Variants in PPM1E observed in about 807,000 individuals in gnomAD.
The protein encoded by PPM1E is protein phosphatase 1E.
Under a neutral mutation model 65.9 loss-of-function variants are expected in PPM1E, and 20 were observed. The ratio of observed to expected loss-of-function variants is 0.30; its 90% CI spans 0.21 to 0.44. The LOEUF (loss-of-function observed/expected upper bound fraction) is 0.44, where lower values mean the gene tolerates loss of function less well. Ranked by LOEUF, PPM1E falls within the 20% of genes least tolerant of loss-of-function variation. The probability of loss-of-function intolerance (pLI) is 1.00; values close to 1 mark genes in which losing one functional copy is unlikely to be tolerated. For missense variants in PPM1E, 713 were observed against 953.1 expected (o/e 0.75, Z 3.32); for synonymous variants, 352 against 374.9 (o/e 0.94, Z 0.70).
chr17:58,956,458 A>C (rs200316507), intron 2 of PPM1E, among the ~76,000 whole-genome samples: 22,759 of 143,224 alleles, frequency 0.16, 2,012 homozygotes, highest in Non-Finnish European at 0.2. Context: ...AAAACAAAAA[A>C]CAAAAAAAAA....
intron 2 of PPM1E, among the ~76,000 whole-genome samples, chr17:58,963,674 A>G (rs2030118261): frequency 6.6e-6 from 1 of 152,112 alleles, no homozygotes; most frequent in African/African-American, 2.4e-5. Context: ...GTGCCACTGC[A>G]CTCCAGCCTG....
chr17:58,902,478 A>G (rs532534562), intron 1 of PPM1E, among the ~76,000 whole-genome samples: 1 of 152,288 alleles, frequency 6.6e-6, no homozygotes, highest in Non-Finnish European at 1.5e-5. Flanking sequence ...ACACCCATTA[A>G]GTATCATTTA....
At chr17:58,848,205 C>T (rs958248115) in intron 1 of PPM1E, among the ~76,000 whole-genome samples, 3 of 152,270 alleles carry the variant, frequency 2.0e-5, no homozygotes, top group South Asian at 2.1e-4. Context: ...AATATACAAT[C>T]ATGTCATCTG....
chr17:58,961,963 T>C (rs1367627612), intron 2 of PPM1E, among the ~76,000 whole-genome samples: 1 of 151,962 alleles, frequency 6.6e-6, no homozygotes, highest in Non-Finnish European at 1.5e-5. Context: ...TGTTGGCACA[T>C]TGGGACCACT....
intron 1 of PPM1E, among the ~76,000 whole-genome samples, chr17:58,900,555 ATAGCT>A (rs1165340979): frequency 6.6e-6 from 1 of 152,226 alleles, no homozygotes; most frequent in African/African-American, 2.4e-5. Flanking sequence ...TAATGTAAAC[ATAGCT>A]TTTATATGCC....
intron 1 of PPM1E, among the ~76,000 whole-genome samples, chr17:58,798,065 T>A (rs1049185665): frequency 1.3e-5 from 2 of 152,216 alleles, no homozygotes; most frequent in African/African-American, 4.8e-5. Context: ...TATTAGCCAT[T>A]TATATAACTT....
intron 1 of PPM1E, among the ~76,000 whole-genome samples, chr17:58,846,013 T>G (rs569155319): frequency 6.6e-5 from 10 of 152,338 alleles, no homozygotes; most frequent in African/African-American, 2.4e-4. Context: ...CTGAATAATA[T>G]TCTGTTGTAT....
chr17:58,819,271 G>A (rs376749527), intron 1 of PPM1E, among the ~76,000 whole-genome samples: 12 of 152,030 alleles, frequency 7.9e-5, no homozygotes, highest in African/African-American at 9.7e-5. Flanking sequence ...TAAGCCTCTC[G>A]TGTAGCTGGG....
chr17:58,837,659 G>A (rs1011946562), intron 1 of PPM1E, among the ~76,000 whole-genome samples: 2 of 151,802 alleles, frequency 1.3e-5, no homozygotes, highest in African/African-American at 4.8e-5. Context: ...CACCACTCCC[G>A]GCCATTTTTT....
At chr17:58,870,114 TGGA>T (rs951162856) in intron 1 of PPM1E, among the ~76,000 whole-genome samples, 5 of 151,842 alleles carry the variant, frequency 3.3e-5, no homozygotes, top group Non-Finnish European at 7.4e-5. Flanking sequence ...GTACAGCATC[TGGA>T]GGAGGAGGAG....
intron 1 of PPM1E, among the ~76,000 whole-genome samples, chr17:58,935,623 C>T (rs1012042717): frequency 5.3e-5 from 8 of 152,150 alleles, no homozygotes; most frequent in Admixed American, 2.6e-4. Flanking sequence ...ATAGTTACCA[C>T]TAAGCCCTCT....
At chr17:58,805,987 AAAC>A (rs1396034363) in intron 1 of PPM1E, among the ~76,000 whole-genome samples, 24 of 110,150 alleles carry the variant, frequency 2.2e-4, no homozygotes, top group Non-Finnish European at 3.4e-4. Flanking sequence ...AAAAAAAACA[AAAC>A]AAAACAAAAC....
intron 1 of PPM1E, among the ~76,000 whole-genome samples, chr17:58,832,669 A>C (rs2050616845): frequency 6.6e-6 from 1 of 152,210 alleles, no homozygotes; most frequent in Non-Finnish European, 1.5e-5. Flanking sequence ...AAAATAGTAC[A>C]GAGTTCAGAT....
intron 1 of PPM1E, among the ~76,000 whole-genome samples, chr17:58,879,398 A>G (rs1025044710): frequency 1.3e-5 from 2 of 150,604 alleles, no homozygotes; most frequent in African/African-American, 2.4e-5. Context: ...ACGGGTGTGT[A>G]CCACTGTGCT....
At chr17:58,876,940 C>T (rs1163801960) in intron 1 of PPM1E, among the ~76,000 whole-genome samples, 3 of 149,340 alleles carry the variant, frequency 2.0e-5, no homozygotes, top group African/African-American at 7.7e-5. Context: ...CCCGCCACCA[C>T]GCCCAGCTAA....
chr17:58,784,314 C>T (rs1307535270), intron 1 of PPM1E, among the ~76,000 whole-genome samples: 4 of 151,560 alleles, frequency 2.6e-5, no homozygotes, highest in Non-Finnish European at 5.9e-5. Context: ...TGAGCCACCA[C>T]GTCCGGTCCT....
chr17:58,926,051 A>G (rs187809098), intron 1 of PPM1E, among the ~76,000 whole-genome samples: 1 of 152,246 alleles, frequency 6.6e-6, no homozygotes, highest in African/African-American at 2.4e-5. Context: ...GCTAAATTGC[A>G]AAGTATTGGC....
intron 3 of PPM1E, among the ~76,000 whole-genome samples, chr17:58,967,519 TAG>T (rs757900792): frequency 1.7e-3 from 240 of 144,890 alleles, no homozygotes; most frequent in Middle Eastern, 3.5e-3. Context: ...TATATATATA[TAG>T]AGAGAGAGAG....
chr17:58,943,537 T>C (rs1199660190), intron 1 of PPM1E, among the ~76,000 whole-genome samples: 1 of 152,178 alleles, frequency 6.6e-6, no homozygotes, highest in Non-Finnish European at 1.5e-5. Context: ...GATATGACGA[T>C]TTCATATCTG....
Sources: gnomAD v4.1 joint callset for allele counts (sites outside exome capture counted in the v4.1 genomes callset) on GRCh38, gnomAD v4.1.1 for gene constraint, MANE v1.5 for transcripts, NCBI Gene and HGNC (gene_info 2026-07-23, HGNC 2026-07-21) for gene names.